Variants in PDE12 observed in about 807,000 individuals in gnomAD.
PDE12 encodes the protein 2',5'-phosphodiesterase 12.
In PDE12, 26 loss-of-function variants were observed where a neutral mutation model predicts 45.4. That is an observed-to-expected ratio of 0.57 (90% CI 0.42 to 0.79). The LOEUF is 0.79. Among genes scored for constraint, PDE12 ranks in the 30% least tolerant of loss-of-function variants. The probability of loss-of-function intolerance (pLI) is 0.00; values close to 1 mark genes in which losing one functional copy is unlikely to be tolerated. For synonymous variants in PDE12, 283 were observed against 323.9 expected, an observed-to-expected ratio of 0.87 and a Z score of 1.36; for missense variants, 668 against 790.0, an observed-to-expected ratio of 0.85 and a Z score of 1.85.
At chr3:57,569,350 ACTTT>A (rs1306910479), downstream of PDE12, among the ~76,000 whole-genome samples, 1 of 152,008 alleles carries the variant, frequency 6.6e-6, no homozygotes, top group East Asian at 1.9e-4. Context: ...AGTTGCTAAT[ACTTT>A]ATTATTATTA....
the PDE12 span, among the ~76,000 whole-genome samples, chr3:57,642,803 C>T: frequency 7.9e-5 from 12 of 152,064 alleles, no homozygotes; most frequent in Admixed American, 2.0e-4. Flanking sequence ...GTCAGGAGTT[C>T]GAGACCAACC....
the PDE12 span, among the ~76,000 whole-genome samples, chr3:57,603,705 C>T: frequency 6.6e-6 from 1 of 151,888 alleles, no homozygotes; most frequent in Non-Finnish European, 1.5e-5. Context: ...TCACCACCAC[C>T]CCCGCCTCCC....
chr3:57,559,677 A>C lies in PDE12; in HGVS notation c.1503A>C (p.Pro501=). The change falls in exon 3 of 3, where the codon CCA becomes CCC. Residue 501 remains proline, a synonymous_variant. Transcript: ENST00000311180. ...VIFCGDFNST[P]STGMYHFVIN... is the part of the protein sequence containing the mutation. ...TTTGTGGGGACTTTAATAGTACACC[A>C]TCAACAGGAATGTATCATTTTGTCA... The C allele has an allele frequency of 6.2e-7, 1 of 1,614,218 alleles. No individual in the cohort carries two copies. The highest frequency in any genetic ancestry group is 8.5e-7 in the Non-Finnish European group (1 of 1,180,028).
At chr3:57,645,674 G>T in the PDE12 span, 1 of 1,611,506 alleles carries the variant, frequency 6.2e-7, no homozygotes, top group South Asian at 1.1e-5. Flanking sequence ...GCTTGGGTAC[G>T]GGTAGTATAT....
chr3:57,641,545 GC>G, the PDE12 span: 1 of 839,844 alleles, frequency 1.2e-6, no homozygotes, highest in Non-Finnish European at 1.8e-6. Flanking sequence ...TTCTCCAAAG[GC>G]CTTGAAGAAA....
chr3:57,628,151 G>A, the PDE12 span: 1 of 1,566,480 alleles, frequency 6.4e-7, no homozygotes, highest in Non-Finnish European at 8.7e-7. Flanking sequence ...TTGTGCGTCT[G>A]GTTGAAATGT....
the PDE12 span, chr3:57,627,193 G>A: frequency 6.6e-6 from 1 of 152,024 alleles, no homozygotes; most frequent in Non-Finnish European, 1.5e-5. Flanking sequence ...ACCCAAGCTG[G>A]AGTCCAGGGG....
At chr3:57,633,539 GA>G in the PDE12 span, among the ~76,000 whole-genome samples, 20 of 152,114 alleles carry the variant, frequency 1.3e-4, no homozygotes, top group Non-Finnish European at 1.5e-5. Flanking sequence ...ATCTTTACCG[GA>G]GCAAAACATA....
chr3:57,650,338 T>C, the PDE12 span, among the ~76,000 whole-genome samples: 1 of 151,072 alleles, frequency 6.6e-6, no homozygotes, highest in African/African-American at 2.4e-5. Context: ...AGATGCAGCA[T>C]TGATTACTAA....
At chr3:57,652,227 C>T in the PDE12 span, among the ~76,000 whole-genome samples, 1 of 152,160 alleles carries the variant, frequency 6.6e-6, no homozygotes, top group South Asian at 2.1e-4. Flanking sequence ...ATACGGGACA[C>T]TGTGGCTTCA....
At chr3:57,651,542 G>A in the PDE12 span, among the ~76,000 whole-genome samples, 1 of 152,144 alleles carries the variant, frequency 6.6e-6, no homozygotes, top group African/African-American at 2.4e-5. Flanking sequence ...AATAGGTACA[G>A]GGTTATGTTT....
At chr3:57,637,653 C>G in the PDE12 span, among the ~76,000 whole-genome samples, 1 of 149,146 alleles carries the variant, frequency 6.7e-6, no homozygotes, top group Non-Finnish European at 1.5e-5. Context: ...TTTAACTCAA[C>G]AAGCAGAAAA....
At chr3:57,643,306 G>T in the PDE12 span, among the ~76,000 whole-genome samples, 1 of 152,032 alleles carries the variant, frequency 6.6e-6, no homozygotes, top group African/African-American at 2.4e-5. Flanking sequence ...TATGAGATTA[G>T]GGGAGAAAAG....
At position 57,557,322 on chromosome 3, in the gene PDE12, A is replaced by G; in HGVS notation, c.943A>G (p.Thr315Ala). The stretch of plus-strand genomic sequence containing the variant: ...GTACGCGCAGACTGAGTTCTCGCGA[A>G]CGGTTCTGTACCCATACTGTGCCCC... ...DTYAQTEFSRTVLYPYCAPYA... is the reference protein window; with the variant it reads ...DTYAQTEFSRAVLYPYCAPYA... Residue 315 changes from threonine to alanine, a missense_variant, in exon 1 of 3, where the codon ACG becomes GCG. Physicochemically the swap from Thr to Ala is moderately conservative, Grantham distance 58 (BLOSUM62 0). Coordinates refer to ENST00000311180, the MANE Select transcript of PDE12 (RefSeq NM_177966.7). 6.2e-7 allele frequency: 1 copy of G among 1,613,974 alleles called. No homozygotes were observed. The highest frequency in any genetic ancestry group is 8.5e-7 in the Non-Finnish European group (1 of 1,180,020).
Position 57,560,271 on chromosome 3 carries a change from G to T in PDE12, c.*267G>T. On this transcript the variant is annotated 3_prime_UTR_variant, in exon 3 of 3. Coordinates refer to ENST00000311180, the MANE Select transcript of PDE12 (RefSeq NM_177966.7). ...ATTGAATTATTTTTCTCCAAATTGA[G>T]ACTCTCAGAAAAGGAAGATTGAATT... 1 of 1,198,016 alleles carries T rather than the reference G, an allele frequency of 8.3e-7. No individual in the cohort carries two copies. The highest frequency in any genetic ancestry group is 1.0e-6 in the Non-Finnish European group (1 of 964,200). 74.2% of individuals were successfully genotyped at this position (1,198,016 alleles called of 1,614,324 possible).
At chr3:57,630,374 T>C in the PDE12 span, 5 of 1,485,260 alleles carry the variant, frequency 3.4e-6, 1 homozygote, top group South Asian at 3.9e-5. Flanking sequence ...TAATTATCTT[T>C]ATTTTCAACA....
chr3:57,628,957 G>C, the PDE12 span: 2 of 1,360,216 alleles, frequency 1.5e-6, no homozygotes, highest in East Asian at 2.3e-5. Flanking sequence ...CAATAGGTAA[G>C]GCTACTGTGA....
chr3:57,582,879 G>A, the PDE12 span, among the ~76,000 whole-genome samples: 1 of 152,240 alleles, frequency 6.6e-6, no homozygotes, highest in Non-Finnish European at 1.5e-5. Context: ...GTCATTCCAA[G>A]TTTCAGTTTC....
chr3:57,613,900 C>CAAAAA, the PDE12 span, among the ~76,000 whole-genome samples: 75 of 59,416 alleles, frequency 1.3e-3, 1 homozygote, highest in Middle Eastern at 0.014. Flanking sequence ...GACTCCATCT[C>CAAAAA]AAAAAAAAAA....
Sources: gnomAD v4.1 joint callset for allele counts (sites outside exome capture counted in the v4.1 genomes callset) on GRCh38, gnomAD v4.1.1 for gene constraint, MANE v1.5 for transcripts, NCBI Gene and HGNC (gene_info 2026-07-23, HGNC 2026-07-21) for gene names.